The following SLC5A3 variants were observed in gnomAD, a reference collection of about 807,000 sequenced individuals.
SLC5A3 encodes the protein solute carrier family 5 member 3, also known as sodium/myo-inositol cotransporter.
In SLC5A3, 10 loss-of-function variants were observed where a neutral mutation model predicts 43.2. The ratio of observed to expected loss-of-function variants is 0.23; its 90% confidence interval spans 0.14 to 0.39. The LOEUF is 0.39. Ranked by LOEUF, SLC5A3 falls within the 10% of genes least tolerant of loss-of-function variation. The pLI is 1.00. For synonymous variants in SLC5A3, 349 were observed against 322.0 expected (o/e 1.08, Z -0.90); for missense variants, 608 against 893.4 (o/e 0.68, Z 4.07).
At chr21:34,079,433 T>C (rs1403192777) in intron 1 of SLC5A3, among the ~76,000 whole-genome samples, 5 of 150,806 alleles carry the variant, frequency 3.3e-5, no homozygotes, top group Admixed American at 1.3e-4. Context: ...ATTTCTCCCT[T>C]CTTCTTCTTT....
Position 34,101,540 on chromosome 21 carries a change from C to A in SLC5A3, c.*4185C>A. ...TCTATATGTGTATATGCCCACTTACCATTCAGAGAGACTGGTCTTTCTCTT... is the reference window on the plus strand; with the variant it reads ...TCTATATGTGTATATGCCCACTTACAATTCAGAGAGACTGGTCTTTCTCTT... On this transcript the variant is annotated 3_prime_UTR_variant, in exon 2 of 2. Coordinates refer to ENST00000381151, the MANE Select transcript of SLC5A3 (RefSeq NM_006933.7). The A allele has an allele frequency of 1.0e-6, 1 of 1,000,156 alleles. No individual in the cohort carries two copies. The highest frequency in any genetic ancestry group is 1.2e-6 in the Non-Finnish European group (1 of 829,934). 62.0% of individuals were successfully genotyped at this position (1,000,156 alleles called of 1,614,324 possible).
intron 1 of SLC5A3, among the ~76,000 whole-genome samples, chr21:34,093,692 G>T (rs7509951): frequency 1 from 152,316 of 152,370 alleles, 76,131 homozygotes; most frequent in Middle Eastern, 1. Context: ...TAAAATTGTT[G>T]TTCGTATTGA....
rs1207222234 is a variant in SLC5A3, at chr21:34,100,213, G to A, written c.*2858G>A. 3.0e-6 allele frequency: 3 copies of A among 1,000,048 alleles called. No homozygotes were observed. The highest frequency in any genetic ancestry group is 3.6e-6 in the Non-Finnish European group (3 of 829,976). The allele number at this position is 1,000,048 out of a possible 1,614,324, so 61.9% of individuals were successfully genotyped here. Reference sequence around the variant, plus strand: ...ATAAATGTCTTACCAGGTGTTAATGGTATCCCCAGTTCTTAGACTTTTGTC... The same window carrying A: ...ATAAATGTCTTACCAGGTGTTAATGATATCCCCAGTTCTTAGACTTTTGTC... On this transcript the variant is annotated 3_prime_UTR_variant, in exon 2 of 2. Transcript: ENST00000381151.
chr21:34,104,768 T>C lies in SLC5A3; in HGVS notation c.*7413T>C, dbSNP rs1482434589. The C allele has an allele frequency of 1.1e-5, 11 of 999,242 alleles. No homozygotes were observed. The highest frequency in any genetic ancestry group is 1.7e-5 in the African/African-American group (1 of 57,246). 61.9% of individuals were successfully genotyped at this position (999,242 alleles called of 1,614,324 possible). On this transcript the variant is annotated 3_prime_UTR_variant, in exon 2 of 2. Coordinates refer to ENST00000381151, the MANE Select transcript of SLC5A3 (RefSeq NM_006933.7). ...GAGGAACACCCTTGGCTTAGCAACATGTGATAATGCAAAGCTGTTATAACC... is the reference window on the plus strand; with the variant it reads ...GAGGAACACCCTTGGCTTAGCAACACGTGATAATGCAAAGCTGTTATAACC...
At chr21:34,088,424 G>T (rs11088271) in intron 1 of SLC5A3, among the ~76,000 whole-genome samples, 143,340 of 152,308 alleles carry the variant, frequency 0.94, 67,490 homozygotes, top group Admixed American at 0.95. Context: ...TTTAATCTCT[G>T]CATTTTATCC....
At chr21:34,082,790 G>A (rs776757537) in intron 1 of SLC5A3, among the ~76,000 whole-genome samples, 54 of 151,856 alleles carry the variant, frequency 3.6e-4, no homozygotes, top group East Asian at 1.2e-3. Flanking sequence ...CAAATAAAAC[G>A]AACTCAGATC....
In SLC5A3 at chr21:34,096,543, A is replaced by T. The variant is rs777690400; in HGVS notation, c.1345A>T (p.Thr449Ser). The change falls in exon 2 of 2, where the codon ACA (threonine) becomes TCA (serine). Residue 449 changes from threonine (T) to serine (S), a missense_variant. Physicochemically the swap from Thr to Ser is moderately conservative, Grantham distance 58. Around this residue, in one of 2 missense-constraint regions of SLC5A3, gnomAD observed 398 missense variants for 668.6 expected, o/e 0.60. Coordinates refer to ENST00000381151, the MANE Select transcript of SLC5A3 (RefSeq NM_006933.7). This position sits in a 1 kb window ranked among gnomAD's most constrained non-coding sequence, Gnocchi z 5.9. ...CATTCAGGAGGTAGCAGATTACCTG[A>T]CACCCCCAGTGGCAGCCTTGTTCCT... ...LYIQEVADYL[T>S]PPVAALFLLA... 9 of 1,613,970 alleles carry T rather than the reference A, an allele frequency of 5.6e-6. No homozygotes were observed. Among genetic ancestry groups the T allele is most frequent in the Non-Finnish European group, 7.6e-6 (9 of 1,179,994 alleles).
rs1979281994 is a variant in SLC5A3, at chr21:34,102,414, G to A, written c.*5059G>A. The A allele has an allele frequency of 1.0e-6, 1 of 999,618 alleles. No individual in the cohort carries two copies. Among genetic ancestry groups the A allele is most frequent in the Non-Finnish European group, 1.2e-6 (1 of 829,594 alleles). 61.9% of individuals were successfully genotyped at this position (999,618 alleles called of 1,614,324 possible). A position where few individuals can be genotyped will look rare whatever the true frequency, so the allele number is the denominator to read the frequency against. On this transcript the variant is annotated 3_prime_UTR_variant, in exon 2 of 2. Transcript: ENST00000381151. The stretch of plus-strand genomic sequence containing the variant: ...CATCTAAACTTCTTTATAAAAAGAG[G>A]GATTAGTTTTTTTGTTTTGGGGTAA...
intron 1 of SLC5A3, among the ~76,000 whole-genome samples, chr21:34,086,345 G>A (rs1352196615): frequency 3.3e-5 from 5 of 152,246 alleles, no homozygotes; most frequent in Admixed American, 3.3e-4. Flanking sequence ...AGCTGCATGC[G>A]TCCATTTTGA....
At chr21:34,093,099 T>C (rs117768917) in intron 1 of SLC5A3, among the ~76,000 whole-genome samples, 1,725 of 152,336 alleles carry the variant, frequency 0.011, 35 homozygotes, top group South Asian at 0.081. Flanking sequence ...TATTAAAAAT[T>C]TAGATGATTC....
Position 34,103,233 on chromosome 21 carries a change from T to C in SLC5A3, c.*5878T>C, listed in dbSNP as rs1979325337. 2 of 999,822 alleles carry C rather than the reference T, an allele frequency of 2.0e-6. No individual in the cohort carries two copies. Among genetic ancestry groups the C allele is most frequent in the Admixed American group, 1.2e-4 (2 of 16,236 alleles). The allele number at this position is 999,822 out of a possible 1,614,324, so 61.9% of individuals were successfully genotyped here. On this transcript the variant is annotated 3_prime_UTR_variant, in exon 2 of 2. Coordinates refer to ENST00000381151, the MANE Select transcript of SLC5A3 (RefSeq NM_006933.7). ...GCCTTCTGGTTACCAGTATTGACTC[T>C]GCTAGTTTGCACCTTTCCGTTCTTA...
chr21:34,092,915 CTTGGATGGCTGT>C (rs1022057473), intron 1 of SLC5A3, among the ~76,000 whole-genome samples: 1 of 152,184 alleles, frequency 6.6e-6, no homozygotes, highest in Non-Finnish European at 1.5e-5. Context: ...CTGAGGATGA[CTTGGATGGCTGT>C]TGGGTAGCAG....
chr21:34,098,440 C>T lies in SLC5A3; in HGVS notation c.*1085C>T. 7 of 999,718 alleles carry T rather than the reference C, an allele frequency of 7.0e-6. No homozygotes were observed. Among genetic ancestry groups the T allele is most frequent in the Non-Finnish European group, 8.4e-6 (7 of 829,564 alleles). The allele number at this position is 999,718 out of a possible 1,614,324, so 61.9% of individuals were successfully genotyped here. On this transcript the variant is annotated 3_prime_UTR_variant, in exon 2 of 2. Coordinates refer to ENST00000381151, the MANE Select transcript of SLC5A3 (RefSeq NM_006933.7). ...AAAATTTAATTCTGATATCTTATTG[C>T]ATCCTTGATAAGTTTTTCCCTGATT...
Position 34,100,754 on chromosome 21 carries a change from A to C in SLC5A3, c.*3399A>C. 1 of 1,000,184 alleles carries C rather than the reference A, an allele frequency of 1.0e-6. No individual in the cohort carries two copies. Among genetic ancestry groups the C allele is most frequent in the African/African-American group, 1.7e-5 (1 of 57,358 alleles). 62.0% of individuals were successfully genotyped at this position (1,000,184 alleles called of 1,614,324 possible). A position where few individuals can be genotyped will look rare whatever the true frequency, so the allele number is the denominator to read the frequency against. On this transcript the variant is annotated 3_prime_UTR_variant, in exon 2 of 2. Transcript: ENST00000381151. ...GCCAATAGAGTGTGTCTGTATTCGC[A>C]GTCCATGGCTCATTTTCTTTATAGT...
intron 1 of SLC5A3, among the ~76,000 whole-genome samples, chr21:34,081,856 A>G (rs1243055672): frequency 6.6e-6 from 1 of 152,162 alleles, no homozygotes. Flanking sequence ...ATTATATCTA[A>G]GTTTATTTCA....
chr21:34,081,773 C>T (rs542216429), intron 1 of SLC5A3, among the ~76,000 whole-genome samples: 3 of 152,250 alleles, frequency 2.0e-5, no homozygotes, highest in South Asian at 2.1e-4. Context: ...TTAGGCAAGT[C>T]GCTGTGAACT....
In SLC5A3 at chr21:34,097,491, C is replaced by G. The variant is rs1476970133; in HGVS notation, c.*136C>G. 1 of 1,431,034 alleles carries G rather than the reference C, an allele frequency of 7.0e-7. No homozygotes were observed. Among genetic ancestry groups the G allele is most frequent in the East Asian group, 2.5e-5 (1 of 40,328 alleles). The allele number at this position is 1,431,034 out of a possible 1,614,324, so 88.6% of individuals were successfully genotyped here. Reference sequence around the variant, plus strand: ...CAAATTTTACTTAGCAGAAAATCATCTAATTACAAGACTTTATTTTCCCAG... The same window carrying G: ...CAAATTTTACTTAGCAGAAAATCATGTAATTACAAGACTTTATTTTCCCAG... On this transcript the variant is annotated 3_prime_UTR_variant, in exon 2 of 2. Transcript: ENST00000381151.
At position 34,099,521 on chromosome 21, in the gene SLC5A3, G is replaced by T; in HGVS notation, c.*2166G>T. ...AAAATTTTCTTTGAACCACATTACT[G>T]TGTAATTCACTGATAATTGACATAT... On this transcript the variant is annotated 3_prime_UTR_variant, in exon 2 of 2. Transcript: ENST00000381151. 1 of 999,066 alleles carries T rather than the reference G, an allele frequency of 1.0e-6. No individual in the cohort carries two copies. Among genetic ancestry groups the T allele is most frequent in the South Asian group, 4.7e-5 (1 of 21,268 alleles). The allele number at this position is 999,066 out of a possible 1,614,324, so 61.9% of individuals were successfully genotyped here.
At position 34,092,644 on chromosome 21, in the gene SLC5A3, A is replaced by G. The variant is rs141818850; in HGVS notation, c.-336-2219A>G. 1.6e-3 allele frequency among the ~76,000 whole-genome samples: 247 copies of G among 152,340 alleles called. 2 individuals carry two copies. The highest frequency in any genetic ancestry group is 5.8e-3 in the African/African-American group (241 of 41,576). ...AAATCAGATTTGACAATGAAGAACA[A>G]TGTTACTGATAGTAACAGTGCTTCC... On this transcript the variant is annotated intron_variant, in intron 1 of 1. Coordinates refer to ENST00000381151, the MANE Select transcript of SLC5A3 (RefSeq NM_006933.7).
Sources: gnomAD v4.1 joint callset for allele counts (sites outside exome capture counted in the v4.1 genomes callset) on GRCh38, gnomAD v4.1.1 for gene constraint, gnomAD v4.1.1 regional missense constraint, Gnocchi (gnomAD v3.1) non-coding constraint, MANE v1.5 for transcripts, NCBI Gene and HGNC (gene_info 2026-07-23, HGNC 2026-07-21) for gene names.